Variants in SYT14 observed in about 807,000 individuals in gnomAD.
The protein encoded by SYT14 is synaptotagmin 14.
In SYT14, 32 loss-of-function variants were observed where a neutral mutation model predicts 74.2. That is an observed-to-expected ratio of 0.43 (90% confidence interval 0.33 to 0.58). The LOEUF (loss-of-function observed/expected upper bound fraction) is 0.58. Ranked by LOEUF, SYT14 falls within the 20% of genes least tolerant of loss-of-function variation. The pLI, the probability that SYT14 is intolerant of heterozygous loss-of-function variation, is 0.05. For synonymous variants in SYT14, 298 were observed against 337.7 expected (o/e 0.88, Z 1.29); for missense variants, 791 against 981.8 (o/e 0.81, Z 2.60).
At chr1:209,977,678 T>C (rs550455306) in intron 2 of SYT14, among the ~76,000 whole-genome samples, 8 of 152,318 alleles carry the variant, frequency 5.3e-5, no homozygotes, top group Non-Finnish European at 7.3e-5. Context: ...CTGACAATTA[T>C]GAGTCTTGGA....
intron 6 of SYT14, among the ~76,000 whole-genome samples, chr1:210,094,795 A>T (rs146147770): frequency 3.1e-4 from 47 of 151,814 alleles, no homozygotes; most frequent in African/African-American, 1.1e-3. Flanking sequence ...CCACTCCCCA[A>T]CCCCAAGCCC....
intron 8 of SYT14, among the ~76,000 whole-genome samples, chr1:210,159,053 A>G (rs779453909): frequency 6.6e-6 from 1 of 152,150 alleles, no homozygotes; most frequent in Non-Finnish European, 1.5e-5. Flanking sequence ...AAATTTAGCA[A>G]TAATAGTAAG....
chr1:210,132,772 C>G (rs1395003378), intron 7 of SYT14, among the ~76,000 whole-genome samples: 5 of 152,106 alleles, frequency 3.3e-5, no homozygotes, highest in African/African-American at 1.2e-4. Context: ...GACAGAGAAA[C>G]TGAGTGGTGG....
intron 7 of SYT14, 129 bp from the exon 7 acceptor site, chr1:210,155,592 C>G (rs1317678591): frequency 2.1e-6 from 2 of 931,686 alleles, no homozygotes; most frequent in African/African-American, 1.6e-5. Flanking sequence ...TAATTCTAAT[C>G]TGGTGTTTGG....
chr1:210,037,712 A>C (rs1329542470), intron 5 of SYT14, among the ~76,000 whole-genome samples: 1 of 151,946 alleles, frequency 6.6e-6, no homozygotes, highest in Admixed American at 6.6e-5. Flanking sequence ...GCTCAGGAGC[A>C]ATTTGTTTAA....
chr1:210,014,901 G>C (rs922642649), intron 3 of SYT14, among the ~76,000 whole-genome samples: 5 of 151,840 alleles, frequency 3.3e-5, no homozygotes, highest in African/African-American at 1.2e-4. Flanking sequence ...TTATTGAGTA[G>C]TCCCAAAGAG....
At chr1:210,161,469 G>A (rs1278127982) in exon 10 of SYT14, 1 of 454,166 alleles carries the variant, frequency 2.2e-6, no homozygotes, top group Non-Finnish European at 4.4e-6. Context: ...AGTCCCTGGT[G>A]TTTGTAATGT....
intron 7 of SYT14, among the ~76,000 whole-genome samples, chr1:210,102,500 A>G (rs1301679562): frequency 6.6e-6 from 1 of 152,084 alleles, no homozygotes; most frequent in African/African-American, 2.4e-5. Flanking sequence ...AATAGAATGT[A>G]TATATTCTAT....
intron 5 of SYT14, among the ~76,000 whole-genome samples, chr1:210,056,558 G>A (rs770749698): frequency 5.3e-5 from 8 of 151,080 alleles, no homozygotes; most frequent in South Asian, 2.1e-4. Flanking sequence ...GCTCATGCCT[G>A]TAATCCCAGC....
intron 5 of SYT14, among the ~76,000 whole-genome samples, chr1:210,057,657 A>G (rs542393328): frequency 1.3e-5 from 2 of 152,170 alleles, no homozygotes; most frequent in East Asian, 3.8e-4. Context: ...TGCCCTTATT[A>G]CCATTAGCCT....
At chr1:210,072,414 G>C (rs2081412165) in intron 5 of SYT14, among the ~76,000 whole-genome samples, 1 of 151,938 alleles carries the variant, frequency 6.6e-6, no homozygotes, top group Non-Finnish European at 1.5e-5. Flanking sequence ...GCCAAAAATA[G>C]AGCTGGAGAG....
At chr1:210,086,557 C>T (rs1384965202) in intron 5 of SYT14, among the ~76,000 whole-genome samples, 1 of 152,158 alleles carries the variant, frequency 6.6e-6, no homozygotes, top group East Asian at 1.9e-4. Flanking sequence ...CTTCTAGGCT[C>T]ATCATGTACT....
intron 5 of SYT14, among the ~76,000 whole-genome samples, chr1:210,059,059 T>C (rs985182284): frequency 6.6e-6 from 1 of 152,150 alleles, no homozygotes; most frequent in Non-Finnish European, 1.5e-5. Flanking sequence ...TGAACTATTA[T>C]TAATTCTGTT....
At chr1:210,147,699 T>C (rs913837243) in intron 7 of SYT14, among the ~76,000 whole-genome samples, 2 of 151,954 alleles carry the variant, frequency 1.3e-5, no homozygotes, top group African/African-American at 4.8e-5. Flanking sequence ...CATAATACAA[T>C]AAGTATAGGG....
intron 5 of SYT14, among the ~76,000 whole-genome samples, chr1:210,082,965 T>C (rs1307055063): frequency 6.6e-6 from 1 of 151,994 alleles, no homozygotes; most frequent in Non-Finnish European, 1.5e-5. Flanking sequence ...CTGGTTTGAG[T>C]AATGGGTTAT....
At chr1:210,136,427 C>T (rs1276752808) in intron 7 of SYT14, among the ~76,000 whole-genome samples, 1 of 151,950 alleles carries the variant, frequency 6.6e-6, no homozygotes. Flanking sequence ...TAAATTTACC[C>T]GAGAAGTATA....
chr1:210,101,109 A>G (rs1393486858), intron 7 of SYT14, among the ~76,000 whole-genome samples: 1 of 152,132 alleles, frequency 6.6e-6, no homozygotes, highest in African/African-American at 2.4e-5. Context: ...CTCTGTCTTC[A>G]TATTTTTAAC....
chr1:210,114,556 T>G (rs2102590977), intron 7 of SYT14, among the ~76,000 whole-genome samples: 1 of 151,196 alleles, frequency 6.6e-6, no homozygotes, highest in East Asian at 1.9e-4. Flanking sequence ...CCCTTCAGGG[T>G]CTGGGGCTGT....
exon 10 of SYT14, chr1:210,165,546 C>T (rs2083447060): frequency 6.6e-6 from 1 of 152,168 alleles, no homozygotes; most frequent in African/African-American, 2.4e-5. Context: ...CCCCTTACTA[C>T]TCTATGAAGG....
Sources: gnomAD v4.1 joint callset for allele counts (sites outside exome capture counted in the v4.1 genomes callset) on GRCh38, gnomAD v4.1.1 for gene constraint, MANE v1.5 for transcripts, NCBI Gene and HGNC (gene_info 2026-07-23, HGNC 2026-07-21) for gene names.